ALKBH3: variants seen among roughly 807,000 people sequenced by gnomAD.
The protein encoded by ALKBH3 is alkB homolog 3, alpha-ketoglutarate dependent dioxygenase.
A neutral mutation model predicts 43.9 loss-of-function variants in ALKBH3; 51 were observed. The observed-to-expected ratio is 1.16, with a 90% CI of 0.93 to 1.47. The LOEUF (loss-of-function observed/expected upper bound fraction) is 1.47. Among genes scored for constraint, ALKBH3 ranks in the 40% most tolerant of loss-of-function variants. The probability of loss-of-function intolerance (pLI) is 0.00; values close to 1 mark genes in which losing one functional copy is unlikely to be tolerated. For synonymous variants in ALKBH3, 102 were observed against 115.2 expected (o/e 0.89, Z 0.73); for missense variants, 361 against 351.9 (o/e 1.03, Z -0.21).
chr11:43,897,999 A>G, intron 7 of ALKBH3: 1 of 828,198 alleles, frequency 1.2e-6, no homozygotes, highest in Non-Finnish European at 2.2e-6. Flanking sequence ...CGCCCTCTTC[A>G]GAGACATCTT....
intron 8 of ALKBH3, among the ~76,000 whole-genome samples, chr11:43,905,387 A>T (rs913367031): frequency 1.3e-5 from 2 of 151,124 alleles, no homozygotes; most frequent in South Asian, 2.1e-4. Flanking sequence ...TCATGTAGAC[A>T]TCATCTCTCG....
At chr11:43,904,788 T>A (rs748835231) in intron 8 of ALKBH3, among the ~76,000 whole-genome samples, 14 of 152,204 alleles carry the variant, frequency 9.2e-5, no homozygotes, top group Admixed American at 6.5e-4. Flanking sequence ...AGAACATGAC[T>A]CATGATTCAT....
chr11:43,900,934 T>C (rs750899032), intron 7 of ALKBH3, among the ~76,000 whole-genome samples: 1 of 152,248 alleles, frequency 6.6e-6, no homozygotes, highest in Admixed American at 6.5e-5. Context: ...TGATTCTCAT[T>C]CTTTAGAAAA....
At chr11:43,891,772 T>C (rs1951785891) in intron 6 of ALKBH3, among the ~76,000 whole-genome samples, 1 of 152,210 alleles carries the variant, frequency 6.6e-6, no homozygotes, top group Non-Finnish European at 1.5e-5. Context: ...TTGCCCTCTC[T>C]TGTTTATGTC....
At chr11:43,901,454 T>C (rs1377151214) in intron 7 of ALKBH3, 62 bp from the exon 8 acceptor site, 14 of 1,590,262 alleles carry the variant, frequency 8.8e-6, no homozygotes, top group Non-Finnish European at 1.2e-5. Context: ...TGTTTTTCCA[T>C]GCGGCTGTCA....
chr11:43,898,787 A>G, intron 7 of ALKBH3: 1 of 759,036 alleles, frequency 1.3e-6, no homozygotes, highest in Non-Finnish European at 2.5e-6. Flanking sequence ...CCATTTATTG[A>G]TGACAACACC....
chr11:43,911,652 T>C (rs1241973100), intron 8 of ALKBH3, among the ~76,000 whole-genome samples: 2 of 152,214 alleles, frequency 1.3e-5, no homozygotes, highest in Non-Finnish European at 2.9e-5. Context: ...TAATTTTATA[T>C]AGTTGATGCC....
intron 8 of ALKBH3, among the ~76,000 whole-genome samples, chr11:43,907,060 G>C (rs1565128340): frequency 6.6e-6 from 1 of 152,176 alleles, no homozygotes; most frequent in Non-Finnish European, 1.5e-5. Context: ...GGTACCCTTG[G>C]TCTGTGAAAT....
At chr11:43,913,508 C>T (rs902616567) in intron 8 of ALKBH3, among the ~76,000 whole-genome samples, 7 of 152,124 alleles carry the variant, frequency 4.6e-5, no homozygotes, top group African/African-American at 1.7e-4. Context: ...TTGCTTGAAA[C>T]CTTGGAGGAG....
At chr11:43,884,038 C>T in intron 4 of ALKBH3, 21 bp downstream of exon 4, 2 of 1,613,618 alleles carry the variant, frequency 1.2e-6, no homozygotes, top group South Asian at 2.2e-5. Context: ...TGCTGTCTTC[C>T]TGTAATTGTT....
intron 4 of ALKBH3, 39 bp downstream of exon 4, chr11:43,884,056 G>C: frequency 6.2e-7 from 1 of 1,611,108 alleles, no homozygotes; most frequent in Non-Finnish European, 8.5e-7. Flanking sequence ...GTTGCCCACA[G>C]TGAAATGAAG....
chr11:43,881,292 A>G (rs1951709130), intron 1 of ALKBH3, 113 bp downstream of exon 1: 1 of 152,264 alleles, frequency 6.6e-6, no homozygotes, highest in Non-Finnish European at 1.5e-5. Context: ...CTCAAGCTTT[A>G]TGTGCATTAA....
chr11:43,895,271 A>G (rs1951810740), intron 7 of ALKBH3, among the ~76,000 whole-genome samples: 1 of 152,190 alleles, frequency 6.6e-6, no homozygotes, highest in Admixed American at 6.5e-5. Context: ...ATCCCCGTGT[A>G]TCAAGGGCAG....
At chr11:43,881,965 G>C (rs1951714666) in intron 1 of ALKBH3, among the ~76,000 whole-genome samples, 1 of 152,182 alleles carries the variant, frequency 6.6e-6, no homozygotes, top group Admixed American at 6.5e-5. Context: ...CCGTTAGCTG[G>C]AGACAGGAGT....
chr11:43,900,576 T>A (rs1590374242), intron 7 of ALKBH3, among the ~76,000 whole-genome samples: 1 of 152,306 alleles, frequency 6.6e-6, no homozygotes, highest in South Asian at 2.1e-4. Flanking sequence ...TTAGTTTTAA[T>A]TTTAAATATC....
chr11:43,918,521 T>G (rs1471415119), intron 8 of ALKBH3, among the ~76,000 whole-genome samples: 1 of 152,220 alleles, frequency 6.6e-6, no homozygotes, highest in African/African-American at 2.4e-5. Flanking sequence ...GAATTGAGAC[T>G]ATAGGTGCCA....
At chr11:43,904,666 A>G (rs1951884208) in intron 8 of ALKBH3, among the ~76,000 whole-genome samples, 1 of 152,190 alleles carries the variant, frequency 6.6e-6, no homozygotes, top group African/African-American at 2.4e-5. Context: ...CCTTGGAAAT[A>G]TACCTTAAAG....
At chr11:43,898,184 C>T (rs948568008) in intron 7 of ALKBH3, 5 of 1,220,394 alleles carry the variant, frequency 4.1e-6, no homozygotes, top group Non-Finnish European at 6.1e-6. Context: ...GGCGATTTGA[C>T]TCCGCTGCAG....
rs530966449 is a variant in ALKBH3 at position 43,901,505 on chromosome 11, G to A, written c.460-11G>A. On this transcript the variant is annotated splice_polypyrimidine_tract_variant and intron_variant, in intron 7 of 9. Transcript: ENST00000302708. ...GACTGTCTTGCCCTTTTCTTGGTCT[G>A]TGGATTGCAGTGGCACCCTGTGCTG... 5.6e-6 allele frequency: 9 copies of A among 1,612,858 alleles called. No homozygotes were observed. In the South Asian group the frequency reaches 7.7e-5, roughly 14 times the overall value.
Sources: allele counts gnomAD v4.1 joint callset (sites outside exome capture counted in the v4.1 genomes callset), GRCh38; gene constraint gnomAD v4.1.1; transcripts MANE v1.5; gene names NCBI Gene and HGNC (gene_info 2026-07-23, HGNC 2026-07-21).